Variants in RASGRF2 observed in about 807,000 individuals in gnomAD.
The protein encoded by RASGRF2 is Ras protein specific guanine nucleotide releasing factor 2.
A neutral mutation model predicts 151.0 loss-of-function variants in RASGRF2; 76 were observed. That is an observed-to-expected ratio of 0.50 (90% confidence interval 0.42 to 0.61). The LOEUF (loss-of-function observed/expected upper bound fraction) is 0.61. Ranked by LOEUF, RASGRF2 falls within the 20% of genes least tolerant of loss-of-function variation. The pLI is 0.00. For missense variants in RASGRF2, 1,148 were observed against 1,564.6 expected (o/e 0.73, Z 4.49); for synonymous variants, 504 against 566.5 (o/e 0.89, Z 1.57).
rs991441611 is a variant in RASGRF2 at position 81,228,012 on chromosome 5, A to G, written c.*2242A>G. Reference sequence around the variant, plus strand: ...AACTAGTGACAAAGCTTTTGCGCCTATTTCCTGCAGGATGTTGGAACTGCC... The same window carrying G: ...AACTAGTGACAAAGCTTTTGCGCCTGTTTCCTGCAGGATGTTGGAACTGCC... On this transcript the variant is annotated 3_prime_UTR_variant, in exon 27 of 27. Coordinates refer to ENST00000265080, the MANE Select transcript of RASGRF2 (RefSeq NM_006909.3). 3.3e-5 allele frequency: 5 copies of G among 152,116 alleles called. No homozygotes were observed. Among genetic ancestry groups the G allele is most frequent in the African/African-American group, 9.7e-5 (4 of 41,416 alleles). 9.4% of individuals were successfully genotyped at this position (152,116 alleles called of 1,614,324 possible).
chr5:81,169,020 C>T (rs1754582235), intron 17 of RASGRF2, among the ~76,000 whole-genome samples: 1 of 152,226 alleles, frequency 6.6e-6, no homozygotes, highest in Non-Finnish European at 1.5e-5. Context: ...GTCTGGTACA[C>T]TCTGTACCTA....
chr5:80,977,070 A>G (rs1748141335), intron 1 of RASGRF2, among the ~76,000 whole-genome samples: 2 of 152,208 alleles, frequency 1.3e-5, no homozygotes, highest in Non-Finnish European at 2.9e-5. Flanking sequence ...AAATGGCTGA[A>G]TAGTAGCATC....
At chr5:81,091,892 G>A (rs1208565735) in intron 9 of RASGRF2, among the ~76,000 whole-genome samples, 1 of 152,188 alleles carries the variant, frequency 6.6e-6, no homozygotes, top group Non-Finnish European at 1.5e-5. Flanking sequence ...GCAGAAGGCT[G>A]CATTTGGGGT....
At chr5:81,206,981 C>A in intron 20 of RASGRF2, 76 bp downstream of exon 20, 1 of 1,237,654 alleles carries the variant, frequency 8.1e-7, no homozygotes, top group South Asian at 1.2e-5. Context: ...TGCTTGTAAC[C>A]GATCAAGGAG....
chr5:81,029,401 A>C (rs1750155717), intron 1 of RASGRF2, among the ~76,000 whole-genome samples: 1 of 152,228 alleles, frequency 6.6e-6, no homozygotes, highest in South Asian at 2.1e-4. Flanking sequence ...ATCTCCCAGT[A>C]GGGGCTGACT....
chr5:81,204,746 A>G (rs1755468386), intron 19 of RASGRF2, among the ~76,000 whole-genome samples: 1 of 152,254 alleles, frequency 6.6e-6, no homozygotes, highest in Non-Finnish European at 1.5e-5. Context: ...TGATGGGCTC[A>G]GGTCATAGAA....
intron 17 of RASGRF2, among the ~76,000 whole-genome samples, chr5:81,164,027 A>G (rs1171424484): frequency 6.6e-6 from 1 of 152,216 alleles, no homozygotes; most frequent in Non-Finnish European, 1.5e-5. Context: ...TTTCCATAAA[A>G]TGGGGATAAC....
In RASGRF2 at chr5:80,960,516, T is replaced by C. The variant is rs941560140; in HGVS notation, c.-223T>C. Among the ~76,000 whole-genome samples the C allele has an allele frequency of 2.0e-5, 3 of 147,908 alleles. No individual in the cohort carries two copies. The highest frequency in any genetic ancestry group is 7.4e-5 in the African/African-American group (3 of 40,590). ...TCCGGGGGCTCGGCCGGGAGGGTGG[T>C]GGTTAGGGCGGAGAGCGTGCCTCGG... On this transcript the variant is annotated 5_prime_UTR_variant, in exon 1 of 27. Transcript: ENST00000265080. The surrounding 1 kb of genome is among the most constrained non-coding windows in gnomAD (Gnocchi z 5.5).
intron 2 of RASGRF2, among the ~76,000 whole-genome samples, chr5:81,063,024 T>A (rs1751491854): frequency 6.7e-6 from 1 of 149,228 alleles, no homozygotes; most frequent in Non-Finnish European, 1.5e-5. Flanking sequence ...AAGTTAATGA[T>A]GAAAAGTATG....
At chr5:81,097,807 G>A (rs2112511832) in intron 12 of RASGRF2, among the ~76,000 whole-genome samples, 2 of 152,332 alleles carry the variant, frequency 1.3e-5, no homozygotes, top group East Asian at 1.9e-4. Flanking sequence ...GAAAGTCAAT[G>A]AGGTAACAGG....
chr5:80,993,588 G>A (rs897924448), intron 1 of RASGRF2, among the ~76,000 whole-genome samples: 1 of 152,206 alleles, frequency 6.6e-6, no homozygotes, highest in Non-Finnish European at 1.5e-5. Context: ...TCAATAAAGA[G>A]ATGATTTACC....
Position 81,094,903 on chromosome 5 carries a change from G to A in RASGRF2, c.1666G>A (p.Val556Met), listed in dbSNP as rs769528928. 2 of 1,603,666 alleles carry A rather than the reference G, an allele frequency of 1.2e-6. No individual in the cohort carries two copies. Among genetic ancestry groups the A allele is most frequent in the African/African-American group, 1.3e-5 (1 of 74,538 alleles). ...TGGGCACCTGGATTTTAAAATAGTG[G>A]TGGAGCCTCCTGACGCTGCCGCCTT... ...VFGHLDFKIV[V>M]EPPDAAAFTV... Residue 556 changes from valine to methionine, a missense_variant, in exon 12 of 27, where the codon GTG becomes ATG. Physicochemically the swap from Val to Met is conservative, Grantham distance 21. This residue lies in a region of RASGRF2 where 646 missense variants were observed against 807.4 expected (regional missense o/e 0.80). Transcript: ENST00000265080.
chr5:81,229,249 A>C lies in RASGRF2; in HGVS notation c.*3479A>C, dbSNP rs2112765577. 6.6e-6 allele frequency: 1 copy of C among 152,220 alleles called. No individual in the cohort carries two copies. The highest frequency in any genetic ancestry group is 1.9e-4 in the East Asian group (1 of 5,184). The allele number at this position is 152,220 out of a possible 1,614,324, so 9.4% of individuals were successfully genotyped here. On this transcript the variant is annotated 3_prime_UTR_variant, in exon 27 of 27. Coordinates refer to ENST00000265080, the MANE Select transcript of RASGRF2 (RefSeq NM_006909.3). ...TAAAAATCCAATTGCAAAATGTATT[A>C]TTTTTACAACTATCGAAAAGGCATA...
At chr5:80,961,124 G>A (rs1404932496) in intron 1 of RASGRF2, 98 bp downstream of exon 1, 3 of 1,308,248 alleles carry the variant, frequency 2.3e-6, no homozygotes, top group Non-Finnish European at 3.0e-6. Context: ...GTGAAAGAGT[G>A]CGGGGACTAT....
At chr5:81,030,623 C>T (rs945865443) in intron 1 of RASGRF2, among the ~76,000 whole-genome samples, 7 of 152,120 alleles carry the variant, frequency 4.6e-5, no homozygotes, top group East Asian at 1.9e-4. Context: ...CACCACCAGA[C>T]CTGCCTTACA....
intron 1 of RASGRF2, among the ~76,000 whole-genome samples, chr5:81,035,951 T>C (rs952800269): frequency 1.3e-5 from 2 of 152,050 alleles, no homozygotes; most frequent in African/African-American, 2.4e-5. Context: ...TAAAAAGGAA[T>C]ATGGAGAAGA....
At chr5:81,182,813 T>C (rs1013792255) in intron 18 of RASGRF2, among the ~76,000 whole-genome samples, 5 of 152,162 alleles carry the variant, frequency 3.3e-5, no homozygotes, top group Non-Finnish European at 7.4e-5. Context: ...GCTTTCAGAG[T>C]AACAGCCCAT....
At chr5:81,128,695 G>A (rs1219634041) in intron 17 of RASGRF2, among the ~76,000 whole-genome samples, 2 of 152,158 alleles carry the variant, frequency 1.3e-5, no homozygotes, top group South Asian at 2.1e-4. Flanking sequence ...GTAGCTCCAC[G>A]ATTCTTTCTG....
At chr5:81,007,241 C>T (rs1388904601) in intron 1 of RASGRF2, among the ~76,000 whole-genome samples, 1 of 152,184 alleles carries the variant, frequency 6.6e-6, no homozygotes, top group Non-Finnish European at 1.5e-5. Flanking sequence ...GGCCTCTACA[C>T]TTTCATAATG....
Sources: allele counts gnomAD v4.1 joint callset (sites outside exome capture counted in the v4.1 genomes callset), GRCh38; gene constraint gnomAD v4.1.1; regional missense constraint gnomAD v4.1.1; non-coding constraint Gnocchi (gnomAD v3.1); transcripts MANE v1.5; gene names NCBI Gene and HGNC (gene_info 2026-07-23, HGNC 2026-07-21).